The following HDAC9 variants were observed in gnomAD, a reference collection of about 807,000 sequenced individuals.
The protein encoded by HDAC9 is MEF-2 interacting transcription repressor (MITR) protein.
In HDAC9, 41 loss-of-function variants were observed where a neutral mutation model predicts 139.4. The ratio of observed to expected loss-of-function variants is 0.29; its 90% CI spans 0.23 to 0.38. HDAC9 has a LOEUF of 0.38. Ranked by LOEUF, HDAC9 falls within the 10% of genes least tolerant of loss-of-function variation. The pLI, the probability that HDAC9 is intolerant of heterozygous loss-of-function variation, is 1.00. For missense variants in HDAC9, 1,147 were observed against 1,297.0 expected (o/e 0.88, Z 1.78); for synonymous variants, 517 against 476.2 (o/e 1.09, Z -1.12).
intron 2 of HDAC9, among the ~76,000 whole-genome samples, chr7:18,550,911 A>G (rs1816906387): frequency 6.6e-6 from 1 of 152,224 alleles, no homozygotes; most frequent in African/African-American, 2.4e-5. Context: ...GCAGAAGACC[A>G]CATGATCTCA....
intron 2 of HDAC9, among the ~76,000 whole-genome samples, chr7:18,238,798 T>A (rs767407226): frequency 7.2e-5 from 11 of 152,150 alleles, no homozygotes; most frequent in Non-Finnish European, 1.3e-4. Context: ...AACCATAGAA[T>A]GTTCCGCTAA....
chr7:18,250,174 A>G (rs1584842913), intron 2 of HDAC9, among the ~76,000 whole-genome samples: 1 of 152,308 alleles, frequency 6.6e-6, no homozygotes, highest in East Asian at 1.9e-4. Context: ...TTGTCATATG[A>G]TTCAAGTTGG....
intron 12 of HDAC9, among the ~76,000 whole-genome samples, chr7:18,713,560 G>A (rs116830001): frequency 6.6e-6 from 1 of 152,006 alleles, no homozygotes; most frequent in African/African-American, 2.4e-5. Flanking sequence ...CAAAAGAATG[G>A]AGCCATCACA....
intron 2 of HDAC9, chr7:18,502,408 T>G (rs1486517217): frequency 6.6e-6 from 1 of 152,172 alleles, no homozygotes; most frequent in Non-Finnish European, 1.5e-5. Context: ...CTGCTCAAGT[T>G]TCTATTGGGA....
chr7:18,327,360 T>G (rs1800540013), intron 1 of HDAC9: 1 of 151,936 alleles, frequency 6.6e-6, no homozygotes, highest in Admixed American at 6.6e-5. Flanking sequence ...TGCTATAATA[T>G]AGTTAATTTG....
At chr7:18,701,416 C>CAAA (rs546101451) in intron 12 of HDAC9, among the ~76,000 whole-genome samples, 1 of 64,824 alleles carries the variant, frequency 1.5e-5, no homozygotes. Context: ...ACAAAACAAA[C>CAAA]AAAAAAAAAA....
chr7:18,332,409 GAGAT>G (rs1801000153), intron 1 of HDAC9, among the ~76,000 whole-genome samples: 3 of 150,954 alleles, frequency 2.0e-5, no homozygotes, highest in Admixed American at 6.6e-5. Flanking sequence ...GAGAGAGAGA[GAGAT>G]TTTTACTTTA....
At chr7:18,318,312 A>C (rs761956240) in intron 1 of HDAC9, among the ~76,000 whole-genome samples, 6 of 152,226 alleles carry the variant, frequency 3.9e-5, no homozygotes, top group Non-Finnish European at 7.3e-5. Context: ...CTACATAAAC[A>C]TCTGCCTTTT....
intron 22 of HDAC9, among the ~76,000 whole-genome samples, chr7:18,879,337 A>G (rs183084567): frequency 4.7e-4 from 72 of 152,336 alleles, no homozygotes; most frequent in African/African-American, 1.5e-3. Flanking sequence ...AACCAAAAAA[A>G]GAGCCCAAAT....
intron 24 of HDAC9, among the ~76,000 whole-genome samples, chr7:18,966,501 G>A (rs1222230467): frequency 6.6e-6 from 1 of 152,112 alleles, no homozygotes; most frequent in Non-Finnish European, 1.5e-5. Context: ...AGGAGTTCAA[G>A]ACCAGCCTGC....
At chr7:18,405,777 A>T (rs1349102339) in intron 1 of HDAC9, among the ~76,000 whole-genome samples, 1 of 152,248 alleles carries the variant, frequency 6.6e-6, no homozygotes, top group Non-Finnish European at 1.5e-5. Context: ...ATAATTTGCC[A>T]TCTTCAACTT....
At chr7:18,786,484 T>TCC in intron 16 of HDAC9, among the ~76,000 whole-genome samples, 3 of 77,128 alleles carry the variant, frequency 3.9e-5, no homozygotes, top group African/African-American at 7.5e-5. Flanking sequence ...CTTCCTTCCT[T>TCC]TCTTCCTTCC....
At chr7:18,545,926 G>T (rs1814648320) in intron 2 of HDAC9, among the ~76,000 whole-genome samples, 1 of 152,178 alleles carries the variant, frequency 6.6e-6, no homozygotes, top group Admixed American at 6.5e-5. Flanking sequence ...TCTTTGGCCT[G>T]TGAATCTCTA....
At chr7:18,714,866 C>T (rs977881083) in intron 12 of HDAC9, among the ~76,000 whole-genome samples, 4 of 152,174 alleles carry the variant, frequency 2.6e-5, no homozygotes, top group Non-Finnish European at 5.9e-5. Flanking sequence ...CTAATTTCTA[C>T]TATGATTCCT....
At chr7:18,771,049 C>T (rs1790245831) in intron 16 of HDAC9, among the ~76,000 whole-genome samples, 1 of 152,000 alleles carries the variant, frequency 6.6e-6, no homozygotes, top group Non-Finnish European at 1.5e-5. Flanking sequence ...AGTGTCAGAC[C>T]CTTGATTGGA....
At chr7:18,693,894 G>A (rs1418368637) in intron 12 of HDAC9, among the ~76,000 whole-genome samples, 3 of 152,134 alleles carry the variant, frequency 2.0e-5, no homozygotes, top group Non-Finnish European at 4.4e-5. Flanking sequence ...CAGAATCAAA[G>A]TGTAGTTAAA....
chr7:18,909,859 G>A (rs773902824), intron 22 of HDAC9, among the ~76,000 whole-genome samples: 2 of 151,876 alleles, frequency 1.3e-5, no homozygotes, highest in Non-Finnish European at 2.9e-5. Flanking sequence ...GTTATTATAG[G>A]CTTGTAGTAT....
chr7:18,164,874 G>C (rs1450893754), intron 2 of HDAC9, among the ~76,000 whole-genome samples: 1 of 152,114 alleles, frequency 6.6e-6, no homozygotes, highest in African/African-American at 2.4e-5. Flanking sequence ...GGATAAGATT[G>C]GCAGCTAGCT....
chr7:18,160,838 A>C (rs2128126672), intron 1 of HDAC9, among the ~76,000 whole-genome samples: 1 of 152,132 alleles, frequency 6.6e-6, no homozygotes, highest in African/African-American at 2.4e-5. Flanking sequence ...GGCTGGTCTC[A>C]AACTCCTGAC....
Sources: gnomAD v4.1 joint callset for allele counts (sites outside exome capture counted in the v4.1 genomes callset) on GRCh38, gnomAD v4.1.1 for gene constraint, MANE v1.5 for transcripts, NCBI Gene and HGNC (gene_info 2026-07-23, HGNC 2026-07-21) for gene names.